ATP6V1G2: variants seen among roughly 807,000 people sequenced by gnomAD.
The protein encoded by ATP6V1G2 is ATPase H+ transporting V1 subunit G2.
ATP6V1G2 carries 14 observed loss-of-function variants against 17.8 expected under a neutral mutation model. The ratio of observed to expected loss-of-function variants is 0.79; its 90% confidence interval spans 0.52 to 1.23. The LOEUF (loss-of-function observed/expected upper bound fraction) is 1.23. Among genes scored for constraint, ATP6V1G2 ranks in the 50% most tolerant of loss-of-function variants. The probability of loss-of-function intolerance (pLI) is 0.00; values close to 1 mark genes in which losing one functional copy is unlikely to be tolerated. For synonymous variants in ATP6V1G2, 57 were observed against 54.8 expected (o/e 1.04, Z -0.17); for missense variants, 112 against 152.2 (o/e 0.74, Z 1.39).
chr6:31,544,825 G>A lies in ATP6V1G2; in HGVS notation c.*583C>T, dbSNP rs865873592. 8 of 454,430 alleles carry A rather than the reference G, an allele frequency of 1.8e-5. No homozygotes were observed. The highest frequency in any genetic ancestry group is 3.1e-5 in the Non-Finnish European group (7 of 226,046). The allele number at this position is 454,430 out of a possible 1,614,324, so 28.1% of individuals were successfully genotyped here. A position where few individuals can be genotyped will look rare whatever the true frequency, so the allele number is the denominator to read the frequency against. On this transcript the variant is annotated 3_prime_UTR_variant, in exon 3 of 3. Coordinates refer to ENST00000303892, the MANE Select transcript of ATP6V1G2 (RefSeq NM_130463.4). ...GTCACAGAATGAACAAGTGGAATTA[G>A]AGAGCCAGTGATGGACGTGAGGAAA... is the stretch of plus-strand genomic sequence containing the variant.
Position 31,546,436 on chromosome 6 carries a change from A to C in ATP6V1G2, c.82+42T>G, listed in dbSNP as rs1554274917. On this transcript the variant is annotated intron_variant, in intron 1 of 2. Coordinates refer to ENST00000303892, the MANE Select transcript of ATP6V1G2 (RefSeq NM_130463.4). The surrounding 1 kb of genome is among the most constrained non-coding windows in gnomAD (Gnocchi z 4.1). Reference sequence around the variant, plus strand: ...AAATGTTTGCTGTCCCCCACCCCCAATTTTCTTTCCAAACTCCTAAGGGAG... The same window carrying C: ...AAATGTTTGCTGTCCCCCACCCCCACTTTTCTTTCCAAACTCCTAAGGGAG... 1 of 1,585,306 alleles carries C rather than the reference A, an allele frequency of 6.3e-7. No homozygotes were observed. The highest frequency in any genetic ancestry group is 1.7e-5 in the Admixed American group (1 of 58,792).
rs758400123 is a variant in ATP6V1G2, at chr6:31,545,351, T to C, written c.*57A>G. On this transcript the variant is annotated 3_prime_UTR_variant, in exon 3 of 3. Coordinates refer to ENST00000303892, the MANE Select transcript of ATP6V1G2 (RefSeq NM_130463.4). The surrounding 1 kb of genome is among the most constrained non-coding windows in gnomAD (Gnocchi z 4.9). ...GGATTATGGTGGGAGGTGATTTTGA[T>C]TGGAGGATTTCTTTGAGGGAGGGAA... is the stretch of plus-strand genomic sequence containing the variant. 7.7e-6 allele frequency: 12 copies of C among 1,562,762 alleles called. No homozygotes were observed. The highest frequency in any genetic ancestry group is 3.5e-5 in the South Asian group (3 of 85,636).
rs751601074 is a variant in ATP6V1G2, at chr6:31,546,461, G to A, written c.82+17C>T. 3 of 1,610,308 alleles carry A rather than the reference G, an allele frequency of 1.9e-6. No homozygotes were observed. Among genetic ancestry groups the A allele is most frequent in the Non-Finnish European group, 2.5e-6 (3 of 1,176,866 alleles). Reference sequence around the variant, plus strand: ...ATTTTCTTTCCAAACTCCTAAGGGAGGAAAGAGGAGACTCACTCTTTCTGG... The same window carrying A: ...ATTTTCTTTCCAAACTCCTAAGGGAAGAAAGAGGAGACTCACTCTTTCTGG... On this transcript the variant is annotated intron_variant, in intron 1 of 2. Coordinates refer to ENST00000303892, the MANE Select transcript of ATP6V1G2 (RefSeq NM_130463.4). The surrounding 1 kb of genome is among the most constrained non-coding windows in gnomAD (Gnocchi z 4.1).
Position 31,546,515 on chromosome 6 carries a change from C to T in ATP6V1G2, c.45G>A (p.Glu15=), listed in dbSNP as rs1562441226. 1 of 1,614,138 alleles carries T rather than the reference C, an allele frequency of 6.2e-7. No individual in the cohort carries two copies. The highest frequency in any genetic ancestry group is 2.2e-5 in the East Asian group (1 of 44,876). The change falls in exon 1 of 3, where the codon GAG becomes GAA. Residue 15 remains glutamate (E), a synonymous_variant. Transcript: ENST00000303892. The surrounding 1 kb of genome is among the most constrained non-coding windows in gnomAD (Gnocchi z 4.1). ...SQGIQQLLQA[E]KRAAEKVADA... Reference sequence around the variant, plus strand: ...CTGCCACCTTCTCAGCTGCCCGCTTCTCAGCTTGCAGAAGCTGCTGGATAC... The same window carrying T: ...CTGCCACCTTCTCAGCTGCCCGCTTTTCAGCTTGCAGAAGCTGCTGGATAC...
In ATP6V1G2 at chr6:31,545,452, C is replaced by T. The variant is rs531656943; in HGVS notation, c.313G>A (p.Asp105Asn). The T allele has an allele frequency of 3.7e-6, 6 of 1,613,848 alleles. No individual in the cohort carries two copies. The highest frequency in any genetic ancestry group is 5.1e-6 in the Non-Finnish European group (6 of 1,179,988). Residue 105 changes from aspartate to asparagine, a missense_variant, in exon 3 of 3, where the codon GAC becomes AAC. By Grantham distance (23) the Asp-to-Asn change is conservative. Coordinates refer to ENST00000303892, the MANE Select transcript of ATP6V1G2 (RefSeq NM_130463.4). The surrounding 1 kb of genome is among the most constrained non-coding windows in gnomAD (Gnocchi z 4.9). ...VLAQLLGMVC[D>N]VRPQVHPNYR... ...TTGGGGTGGACCTGGGGCCTGACGT[C>T]GCAGACCATGCCAAGAAGCTGGGCC...
chr6:31,544,974 T>G lies in ATP6V1G2; in HGVS notation c.*434A>C. The G allele has an allele frequency of 2.9e-6, 1 of 347,198 alleles. No individual in the cohort carries two copies. Among genetic ancestry groups the G allele is most frequent in the South Asian group, 2.4e-5 (1 of 41,870 alleles). The allele number at this position is 347,198 out of a possible 1,614,324, so 21.5% of individuals were successfully genotyped here. On this transcript the variant is annotated 3_prime_UTR_variant, in exon 3 of 3. Coordinates refer to ENST00000303892, the MANE Select transcript of ATP6V1G2 (RefSeq NM_130463.4). ...GACTTTACAGAATGATTCCTAATCA[T>G]TGAAGCAACCCTCACAAGGTAGGCA...
Position 31,545,659 on chromosome 6 carries a change from G to C in ATP6V1G2, c.184-78C>G. The C allele has an allele frequency of 6.8e-7, 1 of 1,469,428 alleles. No individual in the cohort carries two copies. The highest frequency in any genetic ancestry group is 9.1e-7 in the Non-Finnish European group (1 of 1,094,466). 91.0% of individuals were successfully genotyped at this position (1,469,428 alleles called of 1,614,324 possible). ...AAGGGTCCAGGCATATGAGGGGAAA[G>C]ATCCTGAAACAAAGCCTAGAAGAAA... On this transcript the variant is annotated intron_variant, in intron 2 of 2. Coordinates refer to ENST00000303892, the MANE Select transcript of ATP6V1G2 (RefSeq NM_130463.4). The surrounding 1 kb of genome is among the most constrained non-coding windows in gnomAD (Gnocchi z 4.9).
chr6:31,546,052 A>G lies in ATP6V1G2; in HGVS notation c.183+57T>C. 1 of 1,559,384 alleles carries G rather than the reference A, an allele frequency of 6.4e-7. No individual in the cohort carries two copies. The highest frequency in any genetic ancestry group is 8.8e-7 in the Non-Finnish European group (1 of 1,130,570). ...TTGTTGAGTCACCCTTACACACCTCACTAGATGCACCCACCAACTTGCAGT... is the reference window on the plus strand; with the variant it reads ...TTGTTGAGTCACCCTTACACACCTCGCTAGATGCACCCACCAACTTGCAGT... On this transcript the variant is annotated intron_variant, in intron 2 of 2. Coordinates refer to ENST00000303892, the MANE Select transcript of ATP6V1G2 (RefSeq NM_130463.4). The surrounding 1 kb of genome is among the most constrained non-coding windows in gnomAD (Gnocchi z 4.1).
Position 31,546,455 on chromosome 6 carries a change from A to G in ATP6V1G2, c.82+23T>C. On this transcript the variant is annotated intron_variant, in intron 1 of 2. Transcript: ENST00000303892. This position sits in a 1 kb window ranked among gnomAD's most constrained non-coding sequence, Gnocchi z 4.1. ...CCCCCAATTTTCTTTCCAAACTCCT[A>G]AGGGAGGAAAGAGGAGACTCACTCT... is the stretch of plus-strand genomic sequence containing the variant. 1 of 1,607,150 alleles carries G rather than the reference A, an allele frequency of 6.2e-7. No homozygotes were observed. The highest frequency in any genetic ancestry group is 8.5e-7 in the Non-Finnish European group (1 of 1,174,480).
chr6:31,546,732 A>C, upstream of ATP6V1G2: 1 of 611,850 alleles, frequency 1.6e-6, no homozygotes, highest in East Asian at 2.8e-5. This position sits in a 1 kb window ranked among gnomAD's most constrained non-coding sequence, Gnocchi z 4.1. Context: ...TCCCAATCTC[A>C]TCCTCCTATT....
At position 31,546,400 on chromosome 6, in the gene ATP6V1G2, G is replaced by T; in HGVS notation, c.82+78C>A. 1 of 1,472,896 alleles carries T rather than the reference G, an allele frequency of 6.8e-7. No individual in the cohort carries two copies. The highest frequency in any genetic ancestry group is 1.4e-5 in the African/African-American group (1 of 71,428). The allele number at this position is 1,472,896 out of a possible 1,614,324, so 91.2% of individuals were successfully genotyped here. A position where few individuals can be genotyped will look rare whatever the true frequency, so the allele number is the denominator to read the frequency against. On this transcript the variant is annotated intron_variant, in intron 1 of 2. Transcript: ENST00000303892. This position sits in a 1 kb window ranked among gnomAD's most constrained non-coding sequence, Gnocchi z 4.1. ...AGCTGTCTGTCTTCCCGCCAGCCTT[G>T]GGTTTTCCCAAAATGTTTGCTGTCC...
chr6:31,546,459 G>T lies in ATP6V1G2; in HGVS notation c.82+19C>A. On this transcript the variant is annotated intron_variant, in intron 1 of 2. Transcript: ENST00000303892. This position sits in a 1 kb window ranked among gnomAD's most constrained non-coding sequence, Gnocchi z 4.1. ...CAATTTTCTTTCCAAACTCCTAAGG[G>T]AGGAAAGAGGAGACTCACTCTTTCT... 1 of 1,609,306 alleles carries T rather than the reference G, an allele frequency of 6.2e-7. No homozygotes were observed. The highest frequency in any genetic ancestry group is 8.5e-7 in the Non-Finnish European group (1 of 1,176,042).
rs982805204 is a variant in ATP6V1G2, at chr6:31,545,736, G to C, written c.184-155C>G. 1.3e-6 allele frequency: 1 copy of C among 793,522 alleles called. No individual in the cohort carries two copies. The highest frequency in any genetic ancestry group is 2.0e-6 in the Non-Finnish European group (1 of 511,652). 49.2% of individuals were successfully genotyped at this position (793,522 alleles called of 1,614,324 possible). A position where few individuals can be genotyped will look rare whatever the true frequency, so the allele number is the denominator to read the frequency against. On this transcript the variant is annotated intron_variant, in intron 2 of 2. Coordinates refer to ENST00000303892, the MANE Select transcript of ATP6V1G2 (RefSeq NM_130463.4). The surrounding 1 kb of genome is among the most constrained non-coding windows in gnomAD (Gnocchi z 4.9). ...CACAGAAATATCCCAACACCAAAGA[G>C]ATCAACACAGTCCCCTTTCCCCTTA...
Position 31,545,644 on chromosome 6 carries a change from GCA to G in ATP6V1G2, c.184-65_184-64del. On this transcript the variant is annotated intron_variant, in intron 2 of 2. Coordinates refer to ENST00000303892, the MANE Select transcript of ATP6V1G2 (RefSeq NM_130463.4). The surrounding 1 kb of genome is among the most constrained non-coding windows in gnomAD (Gnocchi z 4.9). ...AAAGCAGAAACAGACAAGGGTCCAGGCATATGAGGGGAAAGATCCTGAAACAA... is the reference window on the plus strand; with the variant it reads ...AAAGCAGAAACAGACAAGGGTCCAGGTATGAGGGGAAAGATCCTGAAACAA... 3 of 1,526,680 alleles carry G rather than the reference GCA, an allele frequency of 2.0e-6. No individual in the cohort carries two copies. The highest frequency in any genetic ancestry group is 2.7e-6 in the Non-Finnish European group (3 of 1,130,382). 94.6% of individuals were successfully genotyped at this position (1,526,680 alleles called of 1,614,324 possible). A position where few individuals can be genotyped will look rare whatever the true frequency, so the allele number is the denominator to read the frequency against.
rs767004486 is a variant in ATP6V1G2 at position 31,546,133 on chromosome 6, G to A, written c.159C>T (p.His53=). 14 of 1,613,638 alleles carry A rather than the reference G, an allele frequency of 8.7e-6. No homozygotes were observed. Among genetic ancestry groups the A allele is most frequent in the East Asian group, 2.2e-5 (1 of 44,886 alleles). The stretch of plus-strand genomic sequence containing the variant: ...CCGCCTGCTGCTTGCTCTGGAATTC[G>A]TGCTCTCGCTCTCTGCGGTATTGCT... The part of the protein sequence containing the change: ...EVEQYRRERE[H]EFQSKQQAAM... The change falls in exon 2 of 3, where the codon CAC becomes CAT. Residue 53 remains histidine, a synonymous_variant. Coordinates refer to ENST00000303892, the MANE Select transcript of ATP6V1G2 (RefSeq NM_130463.4). The surrounding 1 kb of genome is among the most constrained non-coding windows in gnomAD (Gnocchi z 4.1).
At chr6:31,546,631 C>T, upstream of ATP6V1G2, 1 of 1,399,604 alleles carries the variant, frequency 7.1e-7, no homozygotes, top group East Asian at 2.3e-5. This position sits in a 1 kb window ranked among gnomAD's most constrained non-coding sequence, Gnocchi z 4.1. Context: ...CCACCGCTTA[C>T]TTCTCCTCCT....
At position 31,545,435 on chromosome 6, in the gene ATP6V1G2, G is replaced by A. The variant is rs749607171; in HGVS notation, c.330C>T (p.Val110=). 1.2e-6 allele frequency: 2 copies of A among 1,614,008 alleles called. No homozygotes were observed. Among genetic ancestry groups the A allele is most frequent in the Admixed American group, 1.7e-5 (1 of 59,982 alleles). Residue 110 remains valine, a synonymous_variant, in exon 3 of 3, where the codon GTC becomes GTT. Transcript: ENST00000303892. This position sits in a 1 kb window ranked among gnomAD's most constrained non-coding sequence, Gnocchi z 4.9. Reference sequence around the variant, plus strand: ...AGGCAGAAATCCGGTAGTTGGGGTGGACCTGGGGCCTGACGTCGCAGACCA... The same window carrying A: ...AGGCAGAAATCCGGTAGTTGGGGTGAACCTGGGGCCTGACGTCGCAGACCA... ...LGMVCDVRPQ[V]HPNYRISA
rs1234471530 is a variant in ATP6V1G2, at chr6:31,545,561, G to T, written c.204C>A (p.Asn68Lys). The T allele has an allele frequency of 1.2e-6, 2 of 1,613,964 alleles. No homozygotes were observed. Among genetic ancestry groups the T allele is most frequent in the Non-Finnish European group, 1.7e-6 (2 of 1,179,978 alleles). ...TAGCCTGCTCCACCTCAGCAGACAG[G>T]TTCCCCTGGGAGCCCATGGCCTGGG... ...KQQAAMGSQG[N>K]LSAEVEQATR... The change falls in exon 3 of 3, where the codon AAC becomes AAA. Residue 68 changes from asparagine (N) to lysine (K), a missense_variant. By Grantham distance (94) the Asn-to-Lys change is moderately conservative. Coordinates refer to ENST00000303892, the MANE Select transcript of ATP6V1G2 (RefSeq NM_130463.4). The surrounding 1 kb of genome is among the most constrained non-coding windows in gnomAD (Gnocchi z 4.9).
At position 31,546,581 on chromosome 6, in the gene ATP6V1G2, T is replaced by C. The variant is rs1367278770; in HGVS notation, c.-22A>G. 1 of 1,607,578 alleles carries C rather than the reference T, an allele frequency of 6.2e-7. No individual in the cohort carries two copies. Among genetic ancestry groups the C allele is most frequent in the East Asian group, 2.2e-5 (1 of 44,862 alleles). ...CCATTTCTGTTGTTATGGCCGATGC[T>C]GTTTTGAATGCTGTCAAAGTACCAG... On this transcript the variant is annotated 5_prime_UTR_variant, in exon 1 of 3. Coordinates refer to ENST00000303892, the MANE Select transcript of ATP6V1G2 (RefSeq NM_130463.4). The surrounding 1 kb of genome is among the most constrained non-coding windows in gnomAD (Gnocchi z 4.1).
Sources: allele counts gnomAD v4.1 joint callset, GRCh38; gene constraint gnomAD v4.1.1; non-coding constraint Gnocchi (gnomAD v3.1); transcripts MANE v1.5; gene names NCBI Gene and HGNC (gene_info 2026-07-23, HGNC 2026-07-21).